The following ERAP1 variants were observed in gnomAD, a reference collection of about 807,000 sequenced individuals.
ERAP1 encodes the protein endoplasmic reticulum aminopeptidase 1, also known as adipocyte-derived leucine aminopeptidase.
In ERAP1, 86 loss-of-function variants were observed where a neutral mutation model predicts 103.7. The observed-to-expected ratio is 0.83, with a 90% CI of 0.70 to 0.99. The LOEUF (loss-of-function observed/expected upper bound fraction) is 0.99. Ranked by LOEUF, ERAP1 falls within the 50% of genes least tolerant of loss-of-function variation. The pLI is 0.00. For missense variants in ERAP1, 1,009 were observed against 1,128.4 expected (o/e 0.89, Z 1.52); for synonymous variants, 398 against 402.4 (o/e 0.99, Z 0.13).
the ERAP1 span, chr5:96,909,683 C>T: frequency 6.2e-7 from 1 of 1,614,156 alleles, no homozygotes; most frequent in Non-Finnish European, 8.5e-7. Flanking sequence ...TTGAAGCTGG[C>T]CTGTGACCTG....
At chr5:96,934,054 G>A in the ERAP1 span, 1 of 152,204 alleles carries the variant, frequency 6.6e-6, no homozygotes, top group African/African-American at 2.4e-5. Context: ...TTGCAGCAGT[G>A]GAAGTGAACT....
the ERAP1 span, among the ~76,000 whole-genome samples, chr5:96,819,069 G>A: frequency 7.2e-5 from 11 of 152,124 alleles, 1 homozygote; most frequent in South Asian, 8.3e-4. Flanking sequence ...GGGACTACAG[G>A]CACCCACCAC....
chr5:96,792,216 C>T (rs1776810546), intron 7 of ERAP1, 24 bp from the exon 8 acceptor site: 1 of 1,609,340 alleles, frequency 6.2e-7, no homozygotes, highest in African/African-American at 1.3e-5. Context: ...AAAAAGAAAA[C>T]ATCACCTATG....
chr5:96,897,359 C>T, the ERAP1 span, among the ~76,000 whole-genome samples: 3 of 152,186 alleles, frequency 2.0e-5, no homozygotes, highest in South Asian at 6.2e-4. Flanking sequence ...AAATGCCACC[C>T]AACTTTTAAG....
At chr5:96,776,742 G>GT (rs1774376393) in intron 18 of ERAP1, 191 bp from the exon 19 acceptor site, 3 of 734,532 alleles carry the variant, frequency 4.1e-6, no homozygotes, top group South Asian at 2.1e-5. Flanking sequence ...GTCAAGTTCT[G>GT]TTTTTTGTCT....
the ERAP1 span, chr5:96,892,525 T>C: frequency 6.4e-7 from 1 of 1,554,238 alleles, no homozygotes; most frequent in Middle Eastern, 1.7e-4. Flanking sequence ...CCAATCTTCC[T>C]GAAACAAAAT....
At chr5:96,885,044 A>G in the ERAP1 span, among the ~76,000 whole-genome samples, 1 of 152,106 alleles carries the variant, frequency 6.6e-6, no homozygotes, top group African/African-American at 2.4e-5. Flanking sequence ...TACATGGGTC[A>G]CTCCAGGTTT....
the ERAP1 span, among the ~76,000 whole-genome samples, chr5:96,926,958 A>G: frequency 6.6e-6 from 1 of 152,218 alleles, no homozygotes; most frequent in African/African-American, 2.4e-5. Flanking sequence ...CTGGGACTAC[A>G]GACATGCATC....
At chr5:96,927,942 T>G in the ERAP1 span, among the ~76,000 whole-genome samples, 67,395 of 149,820 alleles carry the variant, frequency 0.45, 15,063 homozygotes, top group Non-Finnish European at 0.49. Context: ...GTCTTGCTCT[T>G]TTGCCCAGGC....
At chr5:96,870,744 G>A in the ERAP1 span, among the ~76,000 whole-genome samples, 1 of 152,168 alleles carries the variant, frequency 6.6e-6, no homozygotes, top group Non-Finnish European at 1.5e-5. Flanking sequence ...ACACAGATAA[G>A]TTACTTGAGA....
At chr5:96,893,495 G>T in the ERAP1 span, among the ~76,000 whole-genome samples, 1 of 152,186 alleles carries the variant, frequency 6.6e-6, no homozygotes, top group Non-Finnish European at 1.5e-5. Context: ...GCGCATTTTA[G>T]GTGTTTTGAT....
the ERAP1 span, among the ~76,000 whole-genome samples, chr5:96,846,894 T>A: frequency 2.6e-5 from 4 of 152,054 alleles, no homozygotes; most frequent in African/African-American, 9.7e-5. Flanking sequence ...GATGCTGTAA[T>A]CAACTGGTCA....
At chr5:96,926,729 A>G in the ERAP1 span, among the ~76,000 whole-genome samples, 9 of 152,210 alleles carry the variant, frequency 5.9e-5, no homozygotes, top group Non-Finnish European at 1.3e-4. Flanking sequence ...CTATTTATCC[A>G]TTCATCAGTT....
the ERAP1 span, among the ~76,000 whole-genome samples, chr5:96,858,214 CTTCT>C: frequency 6.9e-6 from 1 of 144,538 alleles, no homozygotes; most frequent in Non-Finnish European, 1.5e-5. Context: ...CCTTGTTCTT[CTTCT>C]TTTTTTTTTT....
intron 19 of ERAP1, among the ~76,000 whole-genome samples, chr5:96,768,771 T>C (rs1770996622): frequency 6.6e-6 from 1 of 152,180 alleles, no homozygotes; most frequent in African/African-American, 2.4e-5. Context: ...TACTCTTCAT[T>C]CCTCAGGGCA....
At chr5:96,901,578 C>T in the ERAP1 span, 72 of 1,613,972 alleles carry the variant, frequency 4.5e-5, no homozygotes, top group Non-Finnish European at 6.1e-5. Flanking sequence ...AGGAATCCCC[C>T]TGCTGGTGGT....
At chr5:96,891,499 G>GTATA in the ERAP1 span, among the ~76,000 whole-genome samples, 3 of 140,014 alleles carry the variant, frequency 2.1e-5, no homozygotes, top group East Asian at 2.1e-4. Flanking sequence ...GTGTGTGTGT[G>GTATA]TATATATATA....
downstream of ERAP1, chr5:96,772,517 AC>A (rs1772817261): frequency 6.5e-6 from 1 of 152,702 alleles, no homozygotes; most frequent in East Asian, 1.9e-4. Context: ...TTTCATGTTT[AC>A]TTATAGGAAA....
the ERAP1 span, among the ~76,000 whole-genome samples, chr5:96,912,025 T>C: frequency 6.8e-6 from 1 of 148,052 alleles, no homozygotes; most frequent in African/African-American, 2.5e-5. Context: ...CCGTCTCTAC[T>C]AAAAATACAA....
Sources: gnomAD v4.1 joint callset for allele counts (sites outside exome capture counted in the v4.1 genomes callset) on GRCh38, gnomAD v4.1.1 for gene constraint, MANE v1.5 for transcripts, NCBI Gene and HGNC (gene_info 2026-07-23, HGNC 2026-07-21) for gene names.